SLC33A1: variants seen among roughly 807,000 people sequenced by gnomAD.
SLC33A1 encodes acetyl-coenzyme A transporter 1.
A neutral mutation model predicts 50.0 loss-of-function variants in SLC33A1; 20 were observed. The ratio of observed to expected loss-of-function variants is 0.40; its 90% confidence interval spans 0.28 to 0.58. The LOEUF is 0.58. Ranked by LOEUF, SLC33A1 falls within the 20% of genes least tolerant of loss-of-function variation. The pLI is 0.44. For synonymous variants in SLC33A1, 265 were observed against 251.8 expected (o/e 1.05, Z -0.50); for missense variants, 476 against 657.0 (o/e 0.72, Z 3.01).
intron 2 of SLC33A1, among the ~76,000 whole-genome samples, chr3:155,835,953 C>T (rs1351748356): frequency 6.6e-6 from 1 of 152,096 alleles, no homozygotes; most frequent in South Asian, 2.1e-4. Context: ...CCCTAGACCA[C>T]AAGGCCACTT....
chr3:155,853,562 G>A lies in SLC33A1; in HGVS notation c.436C>T (p.Pro146Ser), dbSNP rs765570895. ...NFGRRKSWLV[P>S]TQYILGLFMI... ...AAGAGTCCTAGTATATACTGTGTCG[G>A]GACAAGCCAAGATTTGCGACGACCG... Residue 146 changes from proline (P) to serine (S), a missense_variant, in exon 1 of 6, where the codon CCG (proline) becomes TCG (serine). Physicochemically the swap from Pro to Ser is moderately conservative, Grantham distance 74. Transcript: ENST00000643144. 1.2e-6 allele frequency: 2 copies of A among 1,614,098 alleles called. No homozygotes were observed. The highest frequency in any genetic ancestry group is 1.7e-6 in the Non-Finnish European group (2 of 1,180,018).
At chr3:155,848,038 C>T (rs1577476434) in intron 1 of SLC33A1, among the ~76,000 whole-genome samples, 1 of 152,126 alleles carries the variant, frequency 6.6e-6, no homozygotes, top group East Asian at 1.9e-4. Flanking sequence ...ACTACTGCTG[C>T]TAGAGGAGAG....
rs1752201202 is a variant in SLC33A1, at chr3:155,826,439, T to C, written c.*1771A>G. ...AAAGTATATATAATTTGTAATAATA[T>C]ACACGGGAAGAAATAAAAGGTTATT... is the stretch of plus-strand genomic sequence containing the variant. On this transcript the variant is annotated 3_prime_UTR_variant, in exon 6 of 6. Transcript: ENST00000643144. 1 of 151,902 alleles carries C rather than the reference T, an allele frequency of 6.6e-6. No homozygotes were observed. Among genetic ancestry groups the C allele is most frequent in the African/African-American group, 2.4e-5 (1 of 41,346 alleles). The allele number at this position is 151,902 out of a possible 1,614,324, so 9.4% of individuals were successfully genotyped here.
chr3:155,842,718 T>TA (rs1752981239), intron 1 of SLC33A1, 99 bp from the exon 2 acceptor site: 3 of 753,676 alleles, frequency 4.0e-6, no homozygotes, highest in African/African-American at 3.6e-5. Context: ...AAATGTTATT[T>TA]AAAAAATTAG....
At position 155,830,156 on chromosome 3, in the gene SLC33A1, G is replaced by A. The variant is rs1963395; in HGVS notation, c.1267-253C>T. On this transcript the variant is annotated intron_variant, in intron 4 of 5. Coordinates refer to ENST00000643144, the MANE Select transcript of SLC33A1 (RefSeq NM_004733.4). ...AGGCGGGCGGATCACAAGGTCAGGA[G>A]ATCGAGACCATCCTGGCTAACACGG... Among the ~76,000 whole-genome samples the A allele has an allele frequency of 0.35, 53,287 of 150,290 alleles. 11,157 individuals carry two copies. Among genetic ancestry groups the A allele is most frequent in the East Asian group, 0.47 (2,371 of 5,084 alleles).
At chr3:155,839,370 T>G (rs1752835111) in intron 2 of SLC33A1, among the ~76,000 whole-genome samples, 1 of 47,792 alleles carries the variant, frequency 2.1e-5, no homozygotes, top group African/African-American at 2.5e-4. Context: ...CGAGACTCTG[T>G]CTCAAAAAAA....
intron 1 of SLC33A1, among the ~76,000 whole-genome samples, chr3:155,849,909 GAAT>G (rs71138683): frequency 0.45 from 60,524 of 133,480 alleles, 15,670 homozygotes; most frequent in Non-Finnish European, 0.58. Context: ...CTCCATCTCA[GAAT>G]AATAATAATA....
At chr3:155,829,276 T>A (rs1005714838) in intron 5 of SLC33A1, among the ~76,000 whole-genome samples, 3 of 152,194 alleles carry the variant, frequency 2.0e-5, no homozygotes, top group African/African-American at 7.2e-5. Context: ...ACTCTAGAAG[T>A]AGACAAATAC....
intron 1 of SLC33A1, among the ~76,000 whole-genome samples, chr3:155,850,878 A>C (rs534420376): frequency 6.6e-6 from 1 of 151,698 alleles, no homozygotes; most frequent in East Asian, 2.0e-4. Flanking sequence ...CAGCCTCCCA[A>C]AGTGCTGGGA....
intron 4 of SLC33A1, among the ~76,000 whole-genome samples, chr3:155,832,023 TCCC>T (rs1327007762): frequency 1.3e-5 from 2 of 152,320 alleles, no homozygotes; most frequent in East Asian, 3.9e-4. Context: ...TGCAGTTAAG[TCCC>T]AAAGGTTACT....
chr3:155,840,729 G>A (rs1285074402), intron 2 of SLC33A1, among the ~76,000 whole-genome samples: 5 of 152,072 alleles, frequency 3.3e-5, no homozygotes, highest in East Asian at 3.9e-4. Context: ...CAGGAGAACC[G>A]CTTGAACCCG....
chr3:155,828,898 T>G (rs1252073559), intron 5 of SLC33A1, among the ~76,000 whole-genome samples: 1 of 78,996 alleles, frequency 1.3e-5, no homozygotes, highest in African/African-American at 1.6e-4. Context: ...CCGAATATGT[T>G]TTTTTTTTTT....
intron 2 of SLC33A1, among the ~76,000 whole-genome samples, chr3:155,834,306 C>T (rs1168541199): frequency 6.6e-6 from 1 of 152,134 alleles, no homozygotes; most frequent in East Asian, 1.9e-4. Flanking sequence ...TAAATTTCCA[C>T]TTCAAAAAGT....
intron 3 of SLC33A1, 118 bp from the exon 4 acceptor site, chr3:155,833,703 T>G (rs966673410): frequency 1.1e-6 from 1 of 942,608 alleles, no homozygotes; most frequent in Admixed American, 1.8e-5. Context: ...TGTTAGGAGG[T>G]TAAAAAGATA....
intron 2 of SLC33A1, among the ~76,000 whole-genome samples, chr3:155,835,372 G>A (rs2109315820): frequency 6.6e-6 from 1 of 152,282 alleles, no homozygotes; most frequent in East Asian, 1.9e-4. Context: ...CAGATAGTGA[G>A]GGCAAAAGAG....
intron 1 of SLC33A1, among the ~76,000 whole-genome samples, chr3:155,847,764 A>C (rs1188643647): frequency 6.6e-6 from 1 of 150,790 alleles, no homozygotes; most frequent in African/African-American, 2.5e-5. Flanking sequence ...ATAAATAAAT[A>C]AATAAATAAA....
chr3:155,830,558 T>G (rs1252894872), intron 4 of SLC33A1, among the ~76,000 whole-genome samples: 2 of 151,922 alleles, frequency 1.3e-5, no homozygotes, highest in Non-Finnish European at 2.9e-5. Context: ...GGCATAAAGA[T>G]AAATGAGAGA....
At chr3:155,830,092 G>A (rs1452357107) in intron 4 of SLC33A1, among the ~76,000 whole-genome samples, 189 bp from the exon 5 acceptor site, 1 of 151,980 alleles carries the variant, frequency 6.6e-6, no homozygotes, top group Non-Finnish European at 1.5e-5. Context: ...GGCCGGGCGC[G>A]GTGGCTCATG....
chr3:155,831,571 C>A (rs1364828279), intron 4 of SLC33A1, among the ~76,000 whole-genome samples: 1 of 150,312 alleles, frequency 6.7e-6, no homozygotes, highest in Non-Finnish European at 1.5e-5. Context: ...TGGTCTTGTA[C>A]CTTTTTTCCC....
Sources: gnomAD v4.1 joint callset for allele counts (sites outside exome capture counted in the v4.1 genomes callset) on GRCh38, gnomAD v4.1.1 for gene constraint, MANE v1.5 for transcripts, NCBI Gene and HGNC (gene_info 2026-07-23, HGNC 2026-07-21) for gene names.